AUTS2: variants seen among roughly 807,000 people sequenced by gnomAD.
The protein encoded by AUTS2 is autism susceptibility gene 2 protein.
In AUTS2, 17 loss-of-function variants were observed where a neutral mutation model predicts 112.4. The ratio of observed to expected loss-of-function variants is 0.15; its 90% CI spans 0.10 to 0.23. The LOEUF (loss-of-function observed/expected upper bound fraction) is 0.23. Ranked by LOEUF, AUTS2 falls within the 10% of genes least tolerant of loss-of-function variation. AUTS2 has a pLI of 1.00. For missense variants in AUTS2, 1,510 were observed against 1,701.6 expected (o/e 0.89, Z 1.98); for synonymous variants, 751 against 702.7 (o/e 1.07, Z -1.09).
chr7:70,788,584 G>A (rs1791670415), intron 18 of AUTS2, among the ~76,000 whole-genome samples: 1 of 152,230 alleles, frequency 6.6e-6, no homozygotes, highest in Non-Finnish European at 1.5e-5. Flanking sequence ...TAGGTGCAAT[G>A]CAGGATGTGG....
chr7:70,607,052 A>G (rs2129531934), intron 5 of AUTS2, among the ~76,000 whole-genome samples: 1 of 152,162 alleles, frequency 6.6e-6, no homozygotes, highest in South Asian at 2.1e-4. Flanking sequence ...TGTGTAACTG[A>G]CCAATTCGGA....
intron 12 of AUTS2, 58 bp downstream of exon 12, chr7:70,774,157 G>A: frequency 6.5e-7 from 1 of 1,529,594 alleles, no homozygotes; most frequent in East Asian, 2.2e-5. Context: ...GTTTGCACGG[G>A]ACGGCCAGCC....
intron 1 of AUTS2, among the ~76,000 whole-genome samples, chr7:69,812,556 A>G (rs1478652577): frequency 6.6e-6 from 1 of 152,018 alleles, no homozygotes; most frequent in East Asian, 1.9e-4. Context: ...AACATGTCCT[A>G]TTATTCTGAA....
At chr7:69,607,564 C>T (rs1036417844) in intron 1 of AUTS2, among the ~76,000 whole-genome samples, 1 of 152,180 alleles carries the variant, frequency 6.6e-6, no homozygotes, top group Non-Finnish European at 1.5e-5. Context: ...TTACAGCTCA[C>T]TTTTCTAATT....
chr7:69,665,444 G>A (rs561012313), intron 1 of AUTS2, among the ~76,000 whole-genome samples: 1 of 152,286 alleles, frequency 6.6e-6, no homozygotes, highest in Non-Finnish European at 1.5e-5. Context: ...CTTGATATAA[G>A]CTGTCCTTAC....
At chr7:70,001,073 C>T (rs944987005) in intron 2 of AUTS2, among the ~76,000 whole-genome samples, 1 of 152,132 alleles carries the variant, frequency 6.6e-6, no homozygotes, top group Non-Finnish European at 1.5e-5. Context: ...CTAGTACTAG[C>T]AGAGCCTAAA....
chr7:69,801,686 C>T (rs1319241941), intron 1 of AUTS2, among the ~76,000 whole-genome samples: 1 of 152,104 alleles, frequency 6.6e-6, no homozygotes, highest in East Asian at 1.9e-4. Flanking sequence ...TTCATTCATT[C>T]AACAGTTTTG....
intron 2 of AUTS2, among the ~76,000 whole-genome samples, chr7:69,963,463 A>G (rs1019405454): frequency 2.0e-5 from 3 of 152,096 alleles, no homozygotes; most frequent in African/African-American, 7.2e-5. Flanking sequence ...TTTGGACTTA[A>G]TCAGAGGATA....
chr7:69,818,892 CTGTT>C (rs1218678325), intron 1 of AUTS2, among the ~76,000 whole-genome samples: 6 of 152,150 alleles, frequency 3.9e-5, no homozygotes, highest in Admixed American at 3.3e-4. Context: ...CATGGGCTCT[CTGTT>C]TGGGGGTTAC....
intron 2 of AUTS2, among the ~76,000 whole-genome samples, chr7:69,900,410 T>C (rs1447724374): frequency 6.6e-6 from 1 of 152,234 alleles, no homozygotes; most frequent in East Asian, 1.9e-4. Flanking sequence ...TTTGCAGATG[T>C]TTCTCTGCAG....
At chr7:69,860,772 C>T (rs2129532335) in intron 1 of AUTS2, among the ~76,000 whole-genome samples, 1 of 152,292 alleles carries the variant, frequency 6.6e-6, no homozygotes. Flanking sequence ...CCAGGTCCCA[C>T]AGGGTGTGTC....
At chr7:70,504,110 CTG>C (rs1463234051) in intron 5 of AUTS2, among the ~76,000 whole-genome samples, 1 of 145,090 alleles carries the variant, frequency 6.9e-6, no homozygotes, top group Non-Finnish European at 1.6e-5. Context: ...CATTTCTCAT[CTG>C]TCGTCTTGCA....
intron 2 of AUTS2, among the ~76,000 whole-genome samples, chr7:69,907,152 C>G (rs1795180647): frequency 6.6e-6 from 1 of 152,168 alleles, no homozygotes; most frequent in South Asian, 2.1e-4. Context: ...GGAAACCAAC[C>G]TAGGGGAATG....
intron 2 of AUTS2, among the ~76,000 whole-genome samples, chr7:70,084,160 G>T (rs1481176852): frequency 6.6e-6 from 1 of 152,034 alleles, no homozygotes; most frequent in Non-Finnish European, 1.5e-5. Context: ...GCATATAAAT[G>T]GCATTACATA....
intron 2 of AUTS2, among the ~76,000 whole-genome samples, chr7:69,917,082 T>C (rs1460596519): frequency 6.6e-6 from 1 of 152,140 alleles, no homozygotes; most frequent in Non-Finnish European, 1.5e-5. Flanking sequence ...GGTGTGATCA[T>C]AGCTCACTGC....
chr7:70,222,888 CTTTT>C (rs200649101), intron 4 of AUTS2, among the ~76,000 whole-genome samples: 1 of 130,136 alleles, frequency 7.7e-6, no homozygotes, highest in Non-Finnish European at 1.7e-5. Context: ...TGGAAATTTG[CTTTT>C]TTTTTTTTTT....
intron 2 of AUTS2, among the ~76,000 whole-genome samples, chr7:70,100,918 C>T (rs1804454021): frequency 6.6e-6 from 1 of 152,072 alleles, no homozygotes; most frequent in Non-Finnish European, 1.5e-5. Flanking sequence ...CCTTCTATCC[C>T]CCAGGCTGGA....
chr7:70,246,057 T>G (rs1201717639), intron 4 of AUTS2, among the ~76,000 whole-genome samples: 5 of 151,652 alleles, frequency 3.3e-5, no homozygotes, highest in Non-Finnish European at 7.4e-5. Context: ...AATGTTGAAC[T>G]TTTTCTTATT....
At chr7:69,870,945 C>T (rs1051472158) in intron 1 of AUTS2, among the ~76,000 whole-genome samples, 5 of 152,256 alleles carry the variant, frequency 3.3e-5, no homozygotes, top group African/African-American at 7.2e-5. Context: ...TGAGAGCATT[C>T]AACTTGTATG....
Sources: gnomAD v4.1 joint callset for allele counts (sites outside exome capture counted in the v4.1 genomes callset) on GRCh38, gnomAD v4.1.1 for gene constraint, MANE v1.5 for transcripts, NCBI Gene and HGNC (gene_info 2026-07-23, HGNC 2026-07-21) for gene names.